Variants in KMT2C observed in about 807,000 individuals in gnomAD.
KMT2C encodes histone-lysine N-methyltransferase 2C.
A neutral mutation model predicts 507.9 loss-of-function variants in KMT2C; 88 were observed. The ratio of observed to expected loss-of-function variants is 0.17; its 90% confidence interval spans 0.15 to 0.21. The LOEUF is 0.21. KMT2C is among the 10% of genes least tolerant of loss of function. KMT2C has a pLI of 1.00. For missense variants in KMT2C, 4,954 were observed against 5,957.8 expected (o/e 0.83, Z 5.55); for synonymous variants, 2,049 against 2,080.8 (o/e 0.98, Z 0.42).
chr7:152,417,607 CT>C (rs1392070941), intron 1 of KMT2C, among the ~76,000 whole-genome samples: 1 of 152,168 alleles, frequency 6.6e-6, no homozygotes, highest in Admixed American at 6.5e-5. Flanking sequence ...AGCCTATATG[CT>C]TCTGAATATC....
chr7:152,312,022 T>C (rs2096676454), intron 4 of KMT2C, 76 bp from the exon 5 acceptor site: 18 of 1,133,652 alleles, frequency 1.6e-5, no homozygotes, highest in South Asian at 1.4e-4. Context: ...TTAAATGCAA[T>C]GTACTGCCAA....
chr7:152,252,631 G>C lies in KMT2C; in HGVS notation c.1384C>G (p.Gln462Glu). 6.2e-7 allele frequency: 1 copy of C among 1,613,332 alleles called. No individual in the cohort carries two copies. Among genetic ancestry groups the C allele is most frequent in the Middle Eastern group, 1.7e-4 (1 of 6,060 alleles). Residue 462 changes from glutamine (Q) to glutamate (E), a missense_variant, in exon 10 of 59, where the codon CAG becomes GAG. This residue lies in a region of KMT2C where 376 missense variants were observed against 352.4 expected (regional missense o/e 1.07). Transcript: ENST00000262189. ...NCLICDNCYQQQDNLCPFCGK... is the reference protein window; with the variant it reads ...NCLICDNCYQEQDNLCPFCGK... ...CAGAAGGGACATAAGTTATCCTGCT[G>C]TTGGTAACAATTGTCACATATCAGG...
At chr7:152,356,507 C>T (rs989385099) in intron 2 of KMT2C, among the ~76,000 whole-genome samples, 9 of 151,706 alleles carry the variant, frequency 5.9e-5, no homozygotes, top group African/African-American at 2.2e-4. Flanking sequence ...ACCTGGGAGG[C>T]GGAGGTTGCA....
chr7:152,144,615 G>A lies in KMT2C; in HGVS notation c.14343+98C>T, dbSNP rs2090927102. 8.5e-7 allele frequency: 1 copy of A among 1,173,348 alleles called. No homozygotes were observed. The highest frequency in any genetic ancestry group is 1.2e-6 in the Non-Finnish European group (1 of 810,706). The allele number at this position is 1,173,348 out of a possible 1,614,324, so 72.7% of individuals were successfully genotyped here. A position where few individuals can be genotyped will look rare whatever the true frequency, so the allele number is the denominator to read the frequency against. ...TTGAAAACACGTTTCTGTCCCTGCA[G>A]CTATGTGAAATCATTTTCACATACT... On this transcript the variant is annotated intron_variant, in intron 55 of 58. Coordinates refer to ENST00000262189, the MANE Select transcript of KMT2C (RefSeq NM_170606.3). This position sits in a 1 kb window ranked among gnomAD's most constrained non-coding sequence, Gnocchi z 4.4.
intron 1 of KMT2C, among the ~76,000 whole-genome samples, chr7:152,380,787 A>G (rs2097367147): frequency 6.6e-6 from 1 of 152,224 alleles, no homozygotes; most frequent in Admixed American, 6.5e-5. Context: ...AATGGGAAAA[A>G]GATGAGAGTG....
chr7:152,412,880 A>G (rs2097697579), intron 1 of KMT2C, among the ~76,000 whole-genome samples: 1 of 152,250 alleles, frequency 6.6e-6, no homozygotes, highest in Admixed American at 6.5e-5. Context: ...AATCCTGATT[A>G]TAGATTATCA....
intron 1 of KMT2C, chr7:152,366,925 C>A (rs1564007627): frequency 1.3e-5 from 6 of 464,702 alleles, no homozygotes; most frequent in Admixed American, 3.9e-5. Context: ...AACGGGCCGG[C>A]GCCTGGCGGG....
chr7:152,255,109 TTA>T (rs1207305132), intron 9 of KMT2C, among the ~76,000 whole-genome samples: 7,274 of 78,026 alleles, frequency 0.093, 242 homozygotes, highest in East Asian at 0.2. Flanking sequence ...CAACTCTCAC[TTA>T]TATATATATA....
intron 1 of KMT2C, among the ~76,000 whole-genome samples, chr7:152,375,565 T>A (rs1387765753): frequency 6.6e-6 from 1 of 150,590 alleles, no homozygotes. Context: ...TTTGTATTTT[T>A]AGTAGAGACA....
chr7:152,358,135 A>T (rs998868483), intron 2 of KMT2C, among the ~76,000 whole-genome samples: 2 of 152,222 alleles, frequency 1.3e-5, no homozygotes, highest in African/African-American at 4.8e-5. Context: ...AAGGGCACCT[A>T]AAAGTCCAAC....
At chr7:152,399,680 A>C (rs1038781044) in intron 1 of KMT2C, among the ~76,000 whole-genome samples, 1 of 152,148 alleles carries the variant, frequency 6.6e-6, no homozygotes, top group Non-Finnish European at 1.5e-5. Context: ...AAATGAGACT[A>C]AGATAACAAC....
chr7:152,180,036 C>T lies in KMT2C; in HGVS notation c.7240G>A (p.Val2414Met), dbSNP rs2129118220. The change falls in exon 37 of 59, where the codon GTG (valine) becomes ATG (methionine). Residue 2414 changes from valine to methionine, a missense_variant. This residue lies in a region of KMT2C where 1,689 missense variants were observed against 1,654.3 expected (regional missense o/e 1.02). Transcript: ENST00000262189. ...QEKGSQDSPA[V>M]PHPGPLQHWQ... ...TGTTGAAGAGGCCCTGGATGAGGCA[C>T]TGCGGGTGAGTCCTGTGACCCCTTC... 1.2e-6 allele frequency: 2 copies of T among 1,614,188 alleles called. No homozygotes were observed. Among genetic ancestry groups the T allele is most frequent in the Non-Finnish European group, 1.7e-6 (2 of 1,180,036 alleles).
At chr7:152,251,467 G>A (rs1289618360) in intron 11 of KMT2C, among the ~76,000 whole-genome samples, 1 of 152,158 alleles carries the variant, frequency 6.6e-6, no homozygotes, top group Non-Finnish European at 1.5e-5. Context: ...AATCTGGCGA[G>A]CAGTTCTATT....
Position 152,199,545 on chromosome 7 carries a change from C to T in KMT2C, c.4093-86G>A. 4.1e-6 allele frequency: 3 copies of T among 731,686 alleles called. No homozygotes were observed. In the South Asian group the frequency reaches 7.7e-5, roughly 19 times the overall value. The allele number at this position is 731,686 out of a possible 1,614,324, so 45.3% of individuals were successfully genotyped here. On this transcript the variant is annotated intron_variant, in intron 26 of 58. Transcript: ENST00000262189. ...TCTGTCATGGTTTTTGACAAGGAAG[C>T]AGAAATAACAGAAAAGGTTTATATT...
At position 152,149,067 on chromosome 7, in the gene KMT2C, A is replaced by C. The variant is rs1447698872; in HGVS notation, c.12860T>G (p.Leu4287Trp). Residue 4287 changes from leucine to tryptophan, a missense_variant, in exon 52 of 59, where the codon TTG becomes TGG. Coordinates refer to ENST00000262189, the MANE Select transcript of KMT2C (RefSeq NM_170606.3). ...FHQYSNNIST[L>W]DVHCLPQLPE... ...GAGCTGGGGGAGACAGTGCACATCC[A>C]AAGTGGAGATGTTGTTGCTGTACTG... 6.6e-7 allele frequency: 1 copy of C among 1,523,882 alleles called. No homozygotes were observed. The highest frequency in any genetic ancestry group is 8.8e-7 in the Non-Finnish European group (1 of 1,139,738). 94.4% of individuals were successfully genotyped at this position (1,523,882 alleles called of 1,614,324 possible).
At chr7:152,220,812 A>C in intron 22 of KMT2C, 77 bp from the exon 23 acceptor site, 1 of 1,040,018 alleles carries the variant, frequency 9.6e-7, no homozygotes, top group South Asian at 1.4e-5. Flanking sequence ...CAAAATACCC[A>C]TGTCAAGGGA....
At chr7:152,313,292 A>C (rs2096690504) in intron 4 of KMT2C, among the ~76,000 whole-genome samples, 1 of 152,094 alleles carries the variant, frequency 6.6e-6, no homozygotes, top group South Asian at 2.1e-4. Flanking sequence ...GTTTTAGCAT[A>C]CTGTTTTGCA....
chr7:152,307,376 GGGAAGGAGGGA>G (rs1370821444), intron 6 of KMT2C, among the ~76,000 whole-genome samples: 1 of 149,262 alleles, frequency 6.7e-6, no homozygotes, highest in African/African-American at 2.5e-5. Flanking sequence ...GAGAGAGGGA[GGGAAGGAGGGA>G]GGAAGGGAGG....
In KMT2C at chr7:152,177,952, G is replaced by A. The variant is rs2129115691; in HGVS notation, c.7501C>T (p.Pro2501Ser). 1 of 1,591,866 alleles carries A rather than the reference G, an allele frequency of 6.3e-7. No homozygotes were observed. Among genetic ancestry groups the A allele is most frequent in the Non-Finnish European group, 8.5e-7 (1 of 1,176,218 alleles). ...TMPSQERFLV[P>S]PQQIQGSGVS... ...CCAGATCCCTGTATTTGCTGAGGAG[G>A]CACAAGGAAGCGCTCTTGACTCGGC... The change falls in exon 38 of 59, where the codon CCT (proline) becomes TCT (serine). Residue 2501 changes from proline (P) to serine (S), a missense_variant. Physicochemically the swap from Pro to Ser is moderately conservative, Grantham distance 74 (BLOSUM62 -1). Transcript: ENST00000262189.
Sources: allele counts gnomAD v4.1 joint callset (sites outside exome capture counted in the v4.1 genomes callset), GRCh38; gene constraint gnomAD v4.1.1; regional missense constraint gnomAD v4.1.1; non-coding constraint Gnocchi (gnomAD v3.1); transcripts MANE v1.5; gene names NCBI Gene and HGNC (gene_info 2026-07-23, HGNC 2026-07-21).